PLXNA2: variants seen among roughly 807,000 people sequenced by gnomAD.
The protein encoded by PLXNA2 is plexin-A2.
PLXNA2 carries 91 observed loss-of-function variants against 193.5 expected under a neutral mutation model. That is an observed-to-expected ratio of 0.47 (90% CI 0.40 to 0.56). PLXNA2 has a LOEUF of 0.56. Among genes scored for constraint, PLXNA2 ranks in the 20% least tolerant of loss-of-function variants. The pLI is 0.00. For synonymous variants in PLXNA2, 997 were observed against 1,027.3 expected (o/e 0.97, Z 0.56); for missense variants, 1,995 against 2,503.2 (o/e 0.80, Z 4.33).
rs1664375590 is a variant in PLXNA2, at chr1:208,027,433, T to G, written c.5590-95A>C. 4.3e-6 allele frequency: 4 copies of G among 929,574 alleles called. No homozygotes were observed. In the Admixed American group the frequency reaches 7.7e-5, roughly 18 times the overall value. 57.6% of individuals were successfully genotyped at this position (929,574 alleles called of 1,614,324 possible). A position where few individuals can be genotyped will look rare whatever the true frequency, so the allele number is the denominator to read the frequency against. ...TCCCTCTTTGCCCTCTGTCTACCTT[T>G]CCATTCTGCCTTCATGCACATAACC... On this transcript the variant is annotated intron_variant, in intron 31 of 31. Coordinates refer to ENST00000367033, the MANE Select transcript of PLXNA2 (RefSeq NM_025179.4).
intron 3 of PLXNA2, among the ~76,000 whole-genome samples, chr1:208,158,476 T>C (rs890814416): frequency 6.6e-6 from 1 of 152,122 alleles, no homozygotes; most frequent in Non-Finnish European, 1.5e-5. Context: ...CAGAGGCAGT[T>C]AAGGGCAGAA....
At chr1:208,088,887 C>T (rs1468925810) in intron 9 of PLXNA2, among the ~76,000 whole-genome samples, 1 of 152,174 alleles carries the variant, frequency 6.6e-6, no homozygotes, top group Non-Finnish European at 1.5e-5. Flanking sequence ...TTCACTTATT[C>T]AAGGTCAGCT....
chr1:208,238,655 T>G (rs968863848), intron 1 of PLXNA2, among the ~76,000 whole-genome samples: 19 of 152,240 alleles, frequency 1.2e-4, no homozygotes, highest in Non-Finnish European at 2.5e-4. Context: ...CAGAGAAAGA[T>G]TCCCACAGAG....
chr1:208,089,676 T>C (rs958173973), intron 9 of PLXNA2, among the ~76,000 whole-genome samples: 4 of 152,200 alleles, frequency 2.6e-5, no homozygotes, highest in African/African-American at 4.8e-5. Flanking sequence ...GATATATTAA[T>C]GTTGCTATAT....
Position 208,038,732 on chromosome 1 carries a change from A to G in PLXNA2, c.4660+93T>C, listed in dbSNP as rs973428190. 78 of 1,340,806 alleles carry G rather than the reference A, an allele frequency of 5.8e-5. No homozygotes were observed. Among genetic ancestry groups the G allele is most frequent in the Middle Eastern group, 1.9e-4 (1 of 5,346 alleles). 83.1% of individuals were successfully genotyped at this position (1,340,806 alleles called of 1,614,324 possible). ...CACACGGGCCTCAGCTGGCCAGGAC[A>G]CAGTCATGCCCCTGCAAGGGTTGTG... On this transcript the variant is annotated intron_variant, in intron 25 of 31. Transcript: ENST00000367033. This position sits in a 1 kb window ranked among gnomAD's most constrained non-coding sequence, Gnocchi z 4.1.
intron 3 of PLXNA2, among the ~76,000 whole-genome samples, chr1:208,188,502 A>T (rs1670075743): frequency 6.6e-6 from 1 of 152,184 alleles, no homozygotes; most frequent in Admixed American, 6.5e-5. Context: ...TGAGGTCAGG[A>T]TTTCAAGACC....
At chr1:208,124,880 T>G (rs1235716987) in intron 4 of PLXNA2, among the ~76,000 whole-genome samples, 1 of 149,600 alleles carries the variant, frequency 6.7e-6, no homozygotes, top group Non-Finnish European at 1.5e-5. Flanking sequence ...GCGTCCTTAG[T>G]GGCCAGGCAC....
chr1:208,230,038 A>G (rs1671638624), intron 1 of PLXNA2, among the ~76,000 whole-genome samples: 1 of 152,204 alleles, frequency 6.6e-6, no homozygotes, highest in Non-Finnish European at 1.5e-5. Context: ...CAGCTGTAAA[A>G]TGACACCTCA....
intron 3 of PLXNA2, among the ~76,000 whole-genome samples, chr1:208,172,155 C>T (rs1232699315): frequency 1.3e-5 from 2 of 151,652 alleles, no homozygotes; most frequent in African/African-American, 4.8e-5. Flanking sequence ...TTTGCACCAA[C>T]GTAACAGCAG....
chr1:208,129,789 A>G (rs1156291310), intron 4 of PLXNA2, among the ~76,000 whole-genome samples: 1 of 152,132 alleles, frequency 6.6e-6, no homozygotes, highest in Non-Finnish European at 1.5e-5. Flanking sequence ...TTCCATATGT[A>G]TGTGTGATAG....
At chr1:208,178,895 G>A (rs1051865264) in intron 3 of PLXNA2, among the ~76,000 whole-genome samples, 6 of 152,226 alleles carry the variant, frequency 3.9e-5, no homozygotes, top group Non-Finnish European at 8.8e-5. Context: ...AATAAGCTCT[G>A]CAGGTGATTC....
At chr1:208,142,795 A>G (rs1036052197) in intron 3 of PLXNA2, among the ~76,000 whole-genome samples, 1 of 152,192 alleles carries the variant, frequency 6.6e-6, no homozygotes, top group Admixed American at 6.5e-5. Flanking sequence ...ATGTGTGTGT[A>G]AGTGAGTGTG....
intron 3 of PLXNA2, among the ~76,000 whole-genome samples, chr1:208,149,367 G>A (rs1346199255): frequency 6.6e-6 from 1 of 152,008 alleles, no homozygotes; most frequent in Non-Finnish European, 1.5e-5. Context: ...GATGTGGTGT[G>A]TGTATATGTG....
intron 4 of PLXNA2, among the ~76,000 whole-genome samples, chr1:208,134,781 T>C (rs1010388013): frequency 2.0e-5 from 3 of 152,086 alleles, no homozygotes; most frequent in Non-Finnish European, 2.9e-5. Context: ...ACTAAACAAA[T>C]GTGCACAATC....
intron 3 of PLXNA2, among the ~76,000 whole-genome samples, chr1:208,148,453 A>G (rs1336354223): frequency 6.6e-6 from 1 of 152,212 alleles, no homozygotes; most frequent in Non-Finnish European, 1.5e-5. Context: ...GTGTGACTTC[A>G]GGCAAGTCAT....
At chr1:208,116,593 G>A (rs571396254) in intron 4 of PLXNA2, among the ~76,000 whole-genome samples, 16 of 152,262 alleles carry the variant, frequency 1.1e-4, no homozygotes, top group Admixed American at 5.9e-4. Context: ...TGGTGTCACG[G>A]AAAGGACATA....
chr1:208,185,696 C>CAAAAAAAAAAAAAAAAAAAAAA (rs56384277), intron 3 of PLXNA2, among the ~76,000 whole-genome samples: 10 of 57,214 alleles, frequency 1.7e-4, no homozygotes, highest in African/African-American at 2.1e-4. Context: ...TCTCTGAAAG[C>CAAAAAAAAAAAAAAAAAAAAAA]AAAAAAAAAA....
At chr1:208,238,691 C>A (rs915891860) in intron 1 of PLXNA2, among the ~76,000 whole-genome samples, 1 of 152,068 alleles carries the variant, frequency 6.6e-6, no homozygotes, top group African/African-American at 2.4e-5. Context: ...ATTAAATCAG[C>A]GATACAATGT....
chr1:208,041,971 T>G, intron 22 of PLXNA2, 127 bp downstream of exon 22: 1 of 957,462 alleles, frequency 1.0e-6, no homozygotes, highest in Non-Finnish European at 1.6e-6. Context: ...GGACACAGGC[T>G]GCTCTGAATG....
Sources: gnomAD v4.1 joint callset for allele counts (sites outside exome capture counted in the v4.1 genomes callset) on GRCh38, gnomAD v4.1.1 for gene constraint, Gnocchi (gnomAD v3.1) non-coding constraint, MANE v1.5 for transcripts, NCBI Gene and HGNC (gene_info 2026-07-23, HGNC 2026-07-21) for gene names.